The following MARCHF1 variants were observed in gnomAD, a reference collection of about 807,000 sequenced individuals.
MARCHF1 encodes E3 ubiquitin-protein ligase MARCHF1.
Under a neutral mutation model 54.2 loss-of-function variants are expected in MARCHF1, and 40 were observed. That is an observed-to-expected ratio of 0.74 (90% CI 0.57 to 0.96). The LOEUF is 0.96. Among genes scored for constraint, MARCHF1 ranks in the 40% least tolerant of loss-of-function variants. MARCHF1 has a pLI of 0.00. For missense variants in MARCHF1, 586 were observed against 656.5 expected (o/e 0.89, Z 1.17); for synonymous variants, 236 against 236.3 (o/e 1.00, Z 0.01).
chr4:164,114,664 A>G (rs1428375383), intron 1 of MARCHF1, among the ~76,000 whole-genome samples: 1 of 151,796 alleles, frequency 6.6e-6, no homozygotes, highest in African/African-American at 2.4e-5. Flanking sequence ...ACAATGAAAT[A>G]ATCAGAAGAT....
chr4:163,896,467 C>A (rs1750808377), intron 3 of MARCHF1, among the ~76,000 whole-genome samples: 1 of 152,152 alleles, frequency 6.6e-6, no homozygotes, highest in African/African-American at 2.4e-5. Flanking sequence ...TTAGGGATTT[C>A]TCAGAATCTA....
At chr4:164,358,215 G>T (rs1730618919) in intron 1 of MARCHF1, among the ~76,000 whole-genome samples, 1 of 152,144 alleles carries the variant, frequency 6.6e-6, no homozygotes, top group South Asian at 2.1e-4. Context: ...GACCCCACGT[G>T]TTAATGAAGA....
chr4:163,970,328 C>T (rs569230917), intron 3 of MARCHF1, among the ~76,000 whole-genome samples: 8 of 152,298 alleles, frequency 5.3e-5, no homozygotes, highest in African/African-American at 1.7e-4. Context: ...TTATCCTGTC[C>T]TCCCATGGGT....
At chr4:163,945,766 C>T (rs1752010964) in intron 3 of MARCHF1, among the ~76,000 whole-genome samples, 2 of 152,122 alleles carry the variant, frequency 1.3e-5, no homozygotes, top group Admixed American at 6.5e-5. Flanking sequence ...AGGTTTACCA[C>T]AGAAGACTGT....
chr4:163,885,492 T>C (rs1161547119), intron 3 of MARCHF1, among the ~76,000 whole-genome samples: 1 of 152,090 alleles, frequency 6.6e-6, no homozygotes, highest in African/African-American at 2.4e-5. Context: ...AGTGATCATA[T>C]AGTCAGATCT....
chr4:164,365,462 T>C (rs574653901), intron 1 of MARCHF1, among the ~76,000 whole-genome samples: 15 of 152,170 alleles, frequency 9.9e-5, no homozygotes, highest in South Asian at 4.1e-4. Context: ...AACATAACTG[T>C]AGATTGTGTT....
intron 1 of MARCHF1, among the ~76,000 whole-genome samples, chr4:164,280,532 C>G (rs143743929): frequency 6.6e-6 from 1 of 151,966 alleles, no homozygotes; most frequent in Admixed American, 6.6e-5. Context: ...ACATTGATTC[C>G]TACCTTGTGA....
At position 164,232,535 on chromosome 4, in the gene MARCHF1, T is replaced by C. The variant is rs140711704; in HGVS notation, c.-322-120873A>G. 2.7e-3 allele frequency among the ~76,000 whole-genome samples: 405 copies of C among 152,308 alleles called. 2 individuals are homozygous for C. The highest frequency in any genetic ancestry group is 9.1e-3 in the African/African-American group (379 of 41,570). ...TCTCTCATACCCTGAAGGTTAGAAC[T>C]ACTATTTCTAAACCATAAACTCACC... On this transcript the variant is annotated intron_variant, in intron 1 of 9. Coordinates refer to ENST00000514618, the MANE Select transcript of MARCHF1 (RefSeq NM_001394959.1).
intron 1 of MARCHF1, among the ~76,000 whole-genome samples, chr4:164,201,604 T>G (rs565122935): frequency 3.9e-4 from 59 of 152,244 alleles, no homozygotes; most frequent in Admixed American, 2.7e-3. Flanking sequence ...GTTGGTGGTC[T>G]GGAAAGGGAG....
intron 2 of MARCHF1, among the ~76,000 whole-genome samples, chr4:164,043,555 G>A (rs59543787): frequency 0.11 from 17,195 of 152,072 alleles, 1,110 homozygotes; most frequent in Middle Eastern, 0.22. Flanking sequence ...CTCTAAATCT[G>A]TGATGGGAGG....
At chr4:164,089,968 A>G (rs1049582179) in intron 2 of MARCHF1, among the ~76,000 whole-genome samples, 2 of 151,304 alleles carry the variant, frequency 1.3e-5, no homozygotes, top group African/African-American at 2.4e-5. Context: ...ATTTTAATAT[A>G]TATATATTTC....
intron 4 of MARCHF1, among the ~76,000 whole-genome samples, chr4:163,835,755 C>G (rs992881339): frequency 1.3e-5 from 2 of 152,136 alleles, no homozygotes; most frequent in African/African-American, 4.8e-5. Flanking sequence ...GAGTAATGCA[C>G]TCATATATAG....
intron 1 of MARCHF1, among the ~76,000 whole-genome samples, chr4:164,322,787 C>G (rs1358330616): frequency 6.6e-6 from 1 of 151,852 alleles, no homozygotes; most frequent in African/African-American, 2.4e-5. Flanking sequence ...AGAAAGAATG[C>G]AAGAATATCA....
At chr4:164,322,817 T>C (rs1290057046) in intron 1 of MARCHF1, among the ~76,000 whole-genome samples, 1 of 151,938 alleles carries the variant, frequency 6.6e-6, no homozygotes, top group African/African-American at 2.4e-5. Context: ...TCAGCTCAAG[T>C]GGAACTTTAA....
intron 3 of MARCHF1, among the ~76,000 whole-genome samples, chr4:163,886,154 T>C (rs1319980769): frequency 6.7e-6 from 1 of 149,868 alleles, no homozygotes. Flanking sequence ...AATATGTAGA[T>C]CTATAAATAG....
chr4:164,332,314 G>T (rs1729564041), intron 1 of MARCHF1, among the ~76,000 whole-genome samples: 2 of 152,094 alleles, frequency 1.3e-5, no homozygotes, highest in Admixed American at 1.3e-4. Context: ...AAATAATAAT[G>T]CCATGGTTGC....
intron 2 of MARCHF1, among the ~76,000 whole-genome samples, chr4:164,100,341 G>A (rs1454443613): frequency 6.6e-6 from 1 of 152,172 alleles, no homozygotes; most frequent in Non-Finnish European, 1.5e-5. Flanking sequence ...GACGGTATGT[G>A]GTATATCTCC....
At chr4:163,850,447 C>A (rs1448039048) in intron 4 of MARCHF1, among the ~76,000 whole-genome samples, 4 of 152,184 alleles carry the variant, frequency 2.6e-5, no homozygotes, top group Admixed American at 2.6e-4. Context: ...ACCTTTTTGA[C>A]ATTTTAGCTT....
At chr4:163,994,768 C>T (rs998164824) in intron 2 of MARCHF1, among the ~76,000 whole-genome samples, 16 of 101,568 alleles carry the variant, frequency 1.6e-4, no homozygotes, top group Non-Finnish European at 2.9e-4. Flanking sequence ...CACACACACA[C>T]ACACACACAC....
Sources: allele counts gnomAD v4.1 joint callset (sites outside exome capture counted in the v4.1 genomes callset), GRCh38; gene constraint gnomAD v4.1.1; transcripts MANE v1.5; gene names NCBI Gene and HGNC (gene_info 2026-07-23, HGNC 2026-07-21).